Variants in PDE4D observed in about 807,000 individuals in gnomAD.
PDE4D encodes the protein 3',5'-cyclic-AMP phosphodiesterase 4D.
Under a neutral mutation model 87.4 loss-of-function variants are expected in PDE4D, and 24 were observed. The observed-to-expected ratio is 0.27, with a 90% CI of 0.20 to 0.39. PDE4D has a LOEUF of 0.39. Ranked by LOEUF, PDE4D falls within the 10% of genes least tolerant of loss-of-function variation. The probability of loss-of-function intolerance (pLI) is 1.00; values close to 1 mark genes in which losing one functional copy is unlikely to be tolerated. For missense variants in PDE4D, 714 were observed against 1,041.0 expected (o/e 0.69, Z 4.32); for synonymous variants, 384 against 383.2 (o/e 1.00, Z -0.02).
chr5:59,574,179 T>TATTTATATA (rs1822724785), intron 1 of PDE4D, among the ~76,000 whole-genome samples: 1 of 129,628 alleles, frequency 7.7e-6, no homozygotes, highest in African/African-American at 3.0e-5. Context: ...TATAAATATC[T>TATTTATATA]TCTAGCAAAG....
At chr5:59,048,659 G>T (rs1328590479) in intron 5 of PDE4D, among the ~76,000 whole-genome samples, 3 of 152,010 alleles carry the variant, frequency 2.0e-5, no homozygotes, top group African/African-American at 7.2e-5. Context: ...TGTTCTTCAG[G>T]GGTACATGTT....
chr5:60,128,460 G>A (rs1472231340), intron 2 of PDE4D, among the ~76,000 whole-genome samples: 1 of 152,044 alleles, frequency 6.6e-6, no homozygotes, highest in East Asian at 1.9e-4. Context: ...GCCACTTCTG[G>A]GCCTGCTCAT....
intron 2 of PDE4D, among the ~76,000 whole-genome samples, chr5:60,176,753 T>C (rs1234193829): frequency 6.6e-6 from 1 of 152,186 alleles, no homozygotes; most frequent in Non-Finnish European, 1.5e-5. Context: ...GACAAAAGAC[T>C]GGTTAAGGTC....
chr5:59,505,335 A>G (rs1187118892), intron 1 of PDE4D, among the ~76,000 whole-genome samples: 1 of 152,190 alleles, frequency 6.6e-6, no homozygotes, highest in Non-Finnish European at 1.5e-5. Context: ...CAGCATTATT[A>G]GCAGAGGGTG....
chr5:59,646,757 C>T (rs1742511434), intron 1 of PDE4D, among the ~76,000 whole-genome samples: 1 of 152,186 alleles, frequency 6.6e-6, no homozygotes, highest in East Asian at 1.9e-4. Context: ...GACAATAGGC[C>T]GGGTGCGGTA....
At chr5:59,835,401 C>G (rs1023545559) in intron 1 of PDE4D, among the ~76,000 whole-genome samples, 2 of 151,990 alleles carry the variant, frequency 1.3e-5, no homozygotes, top group African/African-American at 4.8e-5. Flanking sequence ...TACTAGAATA[C>G]ATGACAGCCC....
At chr5:60,501,352 AGTATTCCATG>A (rs1355654868) in intron 1 of PDE4D, among the ~76,000 whole-genome samples, 1 of 151,914 alleles carries the variant, frequency 6.6e-6, no homozygotes, top group Non-Finnish European at 1.5e-5. Context: ...ATGGCTGCAT[AGTATTCCATG>A]GTGTATATGT....
intron 1 of PDE4D, among the ~76,000 whole-genome samples, chr5:59,831,547 A>T (rs1025215900): frequency 6.6e-6 from 1 of 152,076 alleles, no homozygotes; most frequent in Non-Finnish European, 1.5e-5. Flanking sequence ...ATGTAGTGGT[A>T]GACTCATAAA....
intron 1 of PDE4D, among the ~76,000 whole-genome samples, chr5:59,456,780 G>T (rs1470088089): frequency 6.6e-6 from 1 of 152,116 alleles, no homozygotes; most frequent in East Asian, 1.9e-4. Flanking sequence ...GAGAAAAGTT[G>T]ATTCCAACCC....
chr5:60,141,039 T>C (rs58818702), intron 2 of PDE4D, among the ~76,000 whole-genome samples: 1,573 of 152,302 alleles, frequency 0.01, 32 homozygotes, highest in East Asian at 0.045. Context: ...ATTATAATTA[T>C]CAGCTCTTTT....
intron 1 of PDE4D, among the ~76,000 whole-genome samples, chr5:59,719,073 C>T (rs1385500697): frequency 6.6e-6 from 1 of 151,280 alleles, no homozygotes; most frequent in Non-Finnish European, 1.5e-5. Flanking sequence ...CAATGCTGAA[C>T]AGGAGGTAAC....
chr5:59,457,811 G>A (rs7728853), intron 1 of PDE4D, among the ~76,000 whole-genome samples: 12,247 of 152,062 alleles, frequency 0.081, 1,459 homozygotes, highest in African/African-American at 0.25. Context: ...CAGGAAAATC[G>A]CTTGAACCCA....
chr5:59,788,478 G>A (rs929277514), intron 1 of PDE4D, among the ~76,000 whole-genome samples: 1 of 152,222 alleles, frequency 6.6e-6, no homozygotes, highest in Non-Finnish European at 1.5e-5. Flanking sequence ...GTAAAGAGAT[G>A]TTGCATATAA....
intron 1 of PDE4D, among the ~76,000 whole-genome samples, chr5:60,519,928 T>C (rs1262202300): frequency 6.6e-6 from 1 of 152,202 alleles, no homozygotes; most frequent in Non-Finnish European, 1.5e-5. Context: ...AGTGAAATAC[T>C]GAATCCTACT....
intron 1 of PDE4D, among the ~76,000 whole-genome samples, chr5:60,246,639 A>AT (rs1369190949): frequency 6.6e-5 from 10 of 151,096 alleles, no homozygotes; most frequent in African/African-American, 2.2e-4. Flanking sequence ...TTTTAACCTT[A>AT]TTTTTTCTTA....
chr5:59,927,133 T>A (rs1755385761), intron 3 of PDE4D, among the ~76,000 whole-genome samples: 1 of 152,218 alleles, frequency 6.6e-6, no homozygotes, highest in Non-Finnish European at 1.5e-5. Context: ...CATTTGAGTG[T>A]TTGAGCTGCA....
At chr5:59,610,783 G>A (rs1196090752) in intron 1 of PDE4D, among the ~76,000 whole-genome samples, 1 of 152,110 alleles carries the variant, frequency 6.6e-6, no homozygotes, top group African/African-American at 2.4e-5. Flanking sequence ...GGTTTTGAGT[G>A]GTGAAGACAT....
chr5:59,868,584 G>A (rs1747381128), intron 1 of PDE4D, among the ~76,000 whole-genome samples: 1 of 152,072 alleles, frequency 6.6e-6, no homozygotes, highest in South Asian at 2.1e-4. Flanking sequence ...ATTGCCATTA[G>A]AGAAAAAAGA....
rs1036649847 is a variant in PDE4D at position 60,242,184 on chromosome 5, T to C, written c.-89-56497A>G. ...GAAACAAAAAGAGCAGGAGTAGCTA[T>C]ACTTAGACAAAATAGACTTCAACAC... On this transcript the variant is annotated intron_variant, in intron 1 of 16. Transcript: ENST00000502484. Among the ~76,000 whole-genome samples, 25 of 152,142 alleles carry C rather than the reference T, an allele frequency of 1.6e-4. No homozygotes were observed. The East Asian group carries it at 4.5e-3, about 27-fold the overall frequency.
Sources: gnomAD v4.1 joint callset for allele counts (sites outside exome capture counted in the v4.1 genomes callset) on GRCh38, gnomAD v4.1.1 for gene constraint, MANE v1.5 for transcripts, NCBI Gene and HGNC (gene_info 2026-07-23, HGNC 2026-07-21) for gene names.